The following RLN2 variants were observed in gnomAD, a reference collection of about 807,000 sequenced individuals.
RLN2 encodes prorelaxin H2.
Under a neutral mutation model 7.3 loss-of-function variants are expected in RLN2, and 10 were observed. The ratio of observed to expected loss-of-function variants is 1.36; its 90% CI spans 0.84 to 2.31. The LOEUF (loss-of-function observed/expected upper bound fraction) is 2.31, where lower values mean the gene tolerates loss of function less well. RLN2 is among the 30% of genes most tolerant of loss of function. The pLI is 0.00. For synonymous variants in RLN2, 103 were observed against 82.3 expected (o/e 1.25, Z -1.36); for missense variants, 298 against 217.6 (o/e 1.37, Z -2.32).
Position 5,300,138 on chromosome 9 carries a change from T to C in RLN2, c.518A>G (p.His173Arg), listed in dbSNP as rs142370960. The C allele has an allele frequency of 6.3e-5, 101 of 1,605,070 alleles. No individual in the cohort carries two copies. Among genetic ancestry groups the C allele is most frequent in the Middle Eastern group, 5.0e-4 (3 of 6,022 alleles). ...LYSALANKCC[H>R]VGCTKRSLAR... ...AAGAGATCTTTTGGTACAACCAACATGGCAACATTTATTAGCCAATGCACT... is the reference window on the plus strand; with the variant it reads ...AAGAGATCTTTTGGTACAACCAACACGGCAACATTTATTAGCCAATGCACT... Residue 173 changes from histidine (H) to arginine (R), a missense_variant, in exon 2 of 2, where the codon CAT becomes CGT. Coordinates refer to ENST00000381627, the MANE Select transcript of RLN2 (RefSeq NM_134441.3).
chr9:5,324,156 G>C, the RLN2 span, among the ~76,000 whole-genome samples: 1 of 152,028 alleles, frequency 6.6e-6, no homozygotes, highest in Non-Finnish European at 1.5e-5. Flanking sequence ...TTTGTGGGTA[G>C]ATTAGCAGTT....
At chr9:5,317,485 C>G in the RLN2 span, among the ~76,000 whole-genome samples, 1 of 148,572 alleles carries the variant, frequency 6.7e-6, no homozygotes, top group Admixed American at 6.7e-5. Flanking sequence ...ACACTGAGAA[C>G]GAAGAGCTCT....
chr9:5,334,211 G>C, the RLN2 span, among the ~76,000 whole-genome samples: 2 of 151,996 alleles, frequency 1.3e-5, no homozygotes, highest in Admixed American at 6.6e-5. Flanking sequence ...ATTCGAATAG[G>C]AAGAAAGGTC....
the RLN2 span, among the ~76,000 whole-genome samples, chr9:5,315,861 G>A: frequency 6.6e-6 from 1 of 152,068 alleles, no homozygotes; most frequent in Non-Finnish European, 1.5e-5. Context: ...ATCCTTTAGA[G>A]ATGAAGGAGA....
At chr9:5,316,402 A>G in the RLN2 span, among the ~76,000 whole-genome samples, 4 of 151,668 alleles carry the variant, frequency 2.6e-5, no homozygotes, top group East Asian at 7.7e-4. Flanking sequence ...TCAACCCGAT[A>G]TCTACATTAG....
the RLN2 span, among the ~76,000 whole-genome samples, chr9:5,317,814 G>T: frequency 2.0e-5 from 3 of 151,890 alleles, no homozygotes; most frequent in East Asian, 5.8e-4. Context: ...TATAATAAGA[G>T]AAATGCAAAC....
rs200301455 is a variant in RLN2, at chr9:5,300,455, T to TA, written c.212-12dup. On this transcript the variant is annotated splice_polypyrimidine_tract_variant and intron_variant, in intron 1 of 1. Coordinates refer to ENST00000381627, the MANE Select transcript of RLN2 (RefSeq NM_134441.3). Reference sequence around the variant, plus strand: ...AGGATGGCACAATTTCTGTTAAATTTAAAAAAAAAGGTGTATGTGAGGGTA... The same window carrying TA: ...AGGATGGCACAATTTCTGTTAAATTTAAAAAAAAAAGGTGTATGTGAGGGTA... 3,394 of 1,547,066 alleles carry TA rather than the reference T, an allele frequency of 2.2e-3. 28 individuals are homozygous for TA. In the African/African-American group the frequency reaches 0.026, roughly 12 times the overall value.
At chr9:5,325,765 T>C in the RLN2 span, among the ~76,000 whole-genome samples, 1 of 152,108 alleles carries the variant, frequency 6.6e-6, no homozygotes, top group Non-Finnish European at 1.5e-5. Context: ...ATCATCTTAA[T>C]TTATGTTCTA....
upstream of RLN2, among the ~76,000 whole-genome samples, chr9:5,308,340 A>G (rs1273774309): frequency 6.6e-6 from 1 of 152,034 alleles, no homozygotes; most frequent in African/African-American, 2.4e-5. Context: ...TACTCAAGTA[A>G]TAGCGTATGT....
chr9:5,312,729 AAAAG>A, the RLN2 span, among the ~76,000 whole-genome samples: 2 of 151,918 alleles, frequency 1.3e-5, no homozygotes, highest in Admixed American at 1.3e-4. Flanking sequence ...TGGAAAAAAA[AAAAG>A]AATTGCTTGT....
chr9:5,312,848 G>A, the RLN2 span, among the ~76,000 whole-genome samples: 2 of 151,834 alleles, frequency 1.3e-5, no homozygotes, highest in Admixed American at 6.6e-5. Context: ...TAGGAGGAGG[G>A]GGTCTAATTT....
chr9:5,316,228 T>C, the RLN2 span, among the ~76,000 whole-genome samples: 1 of 152,032 alleles, frequency 6.6e-6, no homozygotes, highest in Non-Finnish European at 1.5e-5. Flanking sequence ...CATATATATG[T>C]ATATATGTGC....
chr9:5,322,556 C>T, the RLN2 span, among the ~76,000 whole-genome samples: 1 of 151,978 alleles, frequency 6.6e-6, no homozygotes, highest in Non-Finnish European at 1.5e-5. Context: ...TTTGAATCTC[C>T]TTGGAGAAGG....
At chr9:5,317,777 A>C in the RLN2 span, among the ~76,000 whole-genome samples, 1 of 151,982 alleles carries the variant, frequency 6.6e-6, no homozygotes, top group East Asian at 1.9e-4. Context: ...TTGGTCTGTG[A>C]ACATGTCAAA....
the RLN2 span, among the ~76,000 whole-genome samples, chr9:5,324,351 A>T: frequency 1.5e-3 from 228 of 152,140 alleles, 2 homozygotes; most frequent in Non-Finnish European, 2.8e-3. Context: ...CCTCAAAACA[A>T]ATGTGGCTTC....
the RLN2 span, among the ~76,000 whole-genome samples, chr9:5,329,728 G>A: frequency 6.6e-6 from 1 of 151,784 alleles, no homozygotes; most frequent in African/African-American, 2.4e-5. Flanking sequence ...AATATATATG[G>A]ACCCAATACA....
the RLN2 span, chr9:5,335,279 G>C: frequency 6.3e-7 from 1 of 1,596,716 alleles, no homozygotes; most frequent in Non-Finnish European, 8.5e-7. Context: ...AGACCTTTTG[G>C]TACAACCAAT....
chr9:5,300,024 T>C lies in RLN2; in HGVS notation c.*74A>G. 1 of 913,268 alleles carries C rather than the reference T, an allele frequency of 1.1e-6. No individual in the cohort carries two copies. 56.6% of individuals were successfully genotyped at this position (913,268 alleles called of 1,614,324 possible). A position where few individuals can be genotyped will look rare whatever the true frequency, so the allele number is the denominator to read the frequency against. On this transcript the variant is annotated 3_prime_UTR_variant, in exon 2 of 2. Transcript: ENST00000381627. Reference sequence around the variant, plus strand: ...AGATATTCTAAGAATTGATGGGACCTGATAGAAGCATCAGTGAAATGTCAT... The same window carrying C: ...AGATATTCTAAGAATTGATGGGACCCGATAGAAGCATCAGTGAAATGTCAT...
chr9:5,313,581 A>G, the RLN2 span, among the ~76,000 whole-genome samples: 6 of 152,010 alleles, frequency 3.9e-5, no homozygotes, highest in African/African-American at 1.5e-4. Flanking sequence ...AATTACATAT[A>G]TATTTATTGG....
Sources: gnomAD v4.1 joint callset for allele counts (sites outside exome capture counted in the v4.1 genomes callset) on GRCh38, gnomAD v4.1.1 for gene constraint, MANE v1.5 for transcripts, NCBI Gene and HGNC (gene_info 2026-07-23, HGNC 2026-07-21) for gene names.